ITPR1: variants seen among roughly 807,000 people sequenced by gnomAD.
ITPR1 encodes the protein inositol 1,4,5-trisphosphate-gated calcium channel ITPR1.
In ITPR1, 96 loss-of-function variants were observed where a neutral mutation model predicts 318.4. That is an observed-to-expected ratio of 0.30 (90% confidence interval 0.26 to 0.36). The LOEUF is 0.36. Among genes scored for constraint, ITPR1 ranks in the 10% least tolerant of loss-of-function variants. ITPR1 has a pLI of 1.00. For synonymous variants in ITPR1, 1,312 were observed against 1,289.9 expected (o/e 1.02, Z -0.37); for missense variants, 2,440 against 3,460.2 (o/e 0.71, Z 7.40).
At position 4,776,393 on chromosome 3, in the gene ITPR1, T is replaced by A. The variant is rs185175524; in HGVS notation, c.6181-871T>A. On this transcript the variant is annotated intron_variant, in intron 47 of 61. Coordinates refer to ENST00000649015, the MANE Select transcript of ITPR1 (RefSeq NM_001378452.1). ...CCAAGTATGTTTTTTAATACCAAATTATAGCTTCATCCTAACTGGAGAGAG... is the reference window on the plus strand; with the variant it reads ...CCAAGTATGTTTTTTAATACCAAATAATAGCTTCATCCTAACTGGAGAGAG... Among the ~76,000 whole-genome samples the A allele has an allele frequency of 3.9e-5, 6 of 152,236 alleles. No individual in the cohort carries two copies. In the East Asian group the frequency reaches 1.2e-3, roughly 29 times the overall value.
chr3:4,735,123 T>C lies in ITPR1; in HGVS notation c.5354-41T>C, dbSNP rs146157064. 1.1e-4 allele frequency: 165 copies of C among 1,519,458 alleles called. 1 individual carries two copies. The African/African-American group carries it at 1.7e-3, about 16-fold the overall frequency. 94.1% of individuals were successfully genotyped at this position (1,519,458 alleles called of 1,614,324 possible). On this transcript the variant is annotated intron_variant, in intron 43 of 61. Transcript: ENST00000649015. ...GTAAGTATGCAGCAAACATTAGCTG[T>C]TCTGATTGTGCTTAGTAAAAACAAT... is the stretch of plus-strand genomic sequence containing the variant.
At position 4,681,624 on chromosome 3, in the gene ITPR1, A is replaced by AAGTATGTGTGTGTGTGTGT. The variant is rs548578427; in HGVS notation, c.3161+206_3161+207insAGTATGTGTGTGTGTGTGT. On this transcript the variant is annotated intron_variant, in intron 26 of 61. Coordinates refer to ENST00000649015, the MANE Select transcript of ITPR1 (RefSeq NM_001378452.1). The stretch of plus-strand genomic sequence containing the variant: ...GAGAGTGAGAGAGAGAGAGAGAGAA[A>AAGTATGTGTGTGTGTGTGT]GTGTGTGTGTGTGTGTGTGTGTGTG... 6.2e-5 allele frequency among the ~76,000 whole-genome samples: 9 copies of AAGTATGTGTGTGTGTGTGT among 145,896 alleles called. No homozygotes were observed. In the East Asian group the frequency reaches 1.2e-3, roughly 20 times the overall value.
chr3:4,663,404 A>C (rs539949895), intron 16 of ITPR1, among the ~76,000 whole-genome samples, 198 bp downstream of exon 16: 1 of 152,188 alleles, frequency 6.6e-6, no homozygotes, highest in African/African-American at 2.4e-5. Flanking sequence ...CTGTCTCAAA[A>C]GAGAAAGAAA....
chr3:4,800,651 A>G lies in ITPR1; in HGVS notation c.7107+51A>G. The G allele has an allele frequency of 1.9e-6, 3 of 1,564,896 alleles. No homozygotes were observed. The Admixed American group carries it at 5.0e-5, about 26-fold the overall frequency. ...CTGTTTTGTTTGCAGATTAATAGGA[A>G]TGCCTTGCACTCTGGTTTCTAGAAT... On this transcript the variant is annotated intron_variant, in intron 54 of 61. Transcript: ENST00000649015.
rs6791460 is a variant in ITPR1, at chr3:4,705,910, G to A, written c.4658-257G>A. On this transcript the variant is annotated intron_variant, in intron 36 of 61. Coordinates refer to ENST00000649015, the MANE Select transcript of ITPR1 (RefSeq NM_001378452.1). ...AGGAAACCCATTGAACTTTAACTCT[G>A]ACATGCCCTGGCCTTATGACCTGAG... Among the ~76,000 whole-genome samples the A allele has an allele frequency of 0.036, 5,518 of 152,258 alleles. 364 individuals are homozygous for A. Among genetic ancestry groups the A allele is most frequent in the African/African-American group, 0.13 (5,265 of 41,516 alleles).
At chr3:4,587,378 A>G (rs2090016772) in intron 4 of ITPR1, among the ~76,000 whole-genome samples, 2 of 151,524 alleles carry the variant, frequency 1.3e-5, no homozygotes, top group Admixed American at 6.6e-5. Context: ...GGTTCAAGCA[A>G]TTCTGCCTCA....
rs2090086781 is a variant in ITPR1 at position 4,588,232 on chromosome 3, G to T, written c.164-39531G>T. ...AGTCTTCTCATATTCTTGCTGCAAA[G>T]GCTTGTTCCTTGTTCTCTTCCTGAC... On this transcript the variant is annotated intron_variant, in intron 4 of 61. Transcript: ENST00000649015. Among the ~76,000 whole-genome samples, 2 of 152,140 alleles carry T rather than the reference G, an allele frequency of 1.3e-5. 1 individual carries two copies. The highest frequency in any genetic ancestry group is 2.9e-5 in the Non-Finnish European group (2 of 68,010).
intron 19 of ITPR1, among the ~76,000 whole-genome samples, 165 bp from the exon 20 acceptor site, chr3:4,670,564 G>T (rs1200425365): frequency 6.6e-6 from 1 of 152,182 alleles, no homozygotes; most frequent in Non-Finnish European, 1.5e-5. Flanking sequence ...AGAACCACTG[G>T]GTTACAGTAT....
intron 4 of ITPR1, among the ~76,000 whole-genome samples, chr3:4,611,969 G>A (rs2092148182): frequency 6.6e-6 from 1 of 151,458 alleles, no homozygotes; most frequent in Admixed American, 6.6e-5. Flanking sequence ...ACCAACCTCA[G>A]GTCAAAAATA....
chr3:4,744,531 T>C lies in ITPR1; in HGVS notation c.5544+9177T>C, dbSNP rs541323205. 1.1e-4 allele frequency among the ~76,000 whole-genome samples: 16 copies of C among 152,350 alleles called. No homozygotes were observed. The South Asian group carries it at 3.3e-3, about 32-fold the overall frequency. Reference sequence around the variant, plus strand: ...ATTGGTGCATAGCTGCAGTTTTTCCTTTGGGATTGTCCTAACTGCTTTCCT... The same window carrying C: ...ATTGGTGCATAGCTGCAGTTTTTCCCTTGGGATTGTCCTAACTGCTTTCCT... On this transcript the variant is annotated intron_variant, in intron 44 of 61. Coordinates refer to ENST00000649015, the MANE Select transcript of ITPR1 (RefSeq NM_001378452.1).
chr3:4,768,998 C>G (rs1037468147), intron 46 of ITPR1, among the ~76,000 whole-genome samples: 2 of 151,902 alleles, frequency 1.3e-5, no homozygotes, highest in African/African-American at 4.8e-5. Context: ...CAACCTCCAG[C>G]TCTTGGGTTC....
chr3:4,807,096 AC>A (rs2048607350), intron 55 of ITPR1, among the ~76,000 whole-genome samples: 2 of 41,200 alleles, frequency 4.9e-5, no homozygotes, highest in African/African-American at 1.3e-4. Flanking sequence ...AGGGGGGCTT[AC>A]AAAGAGAGGG....
rs569013483 is a variant in ITPR1 at position 4,601,711 on chromosome 3, C to T, written c.164-26052C>T. Among the ~76,000 whole-genome samples the T allele has an allele frequency of 1.3e-3, 199 of 152,178 alleles. 1 individual carries two copies. The highest frequency in any genetic ancestry group is 1.8e-3 in the Non-Finnish European group (121 of 68,008). On this transcript the variant is annotated intron_variant, in intron 4 of 61. Coordinates refer to ENST00000649015, the MANE Select transcript of ITPR1 (RefSeq NM_001378452.1). Reference sequence around the variant, plus strand: ...AAAGAAAATTAGATAAATTGCACTTCGTCAAAATTAAAACCTTTCCTGCTT... The same window carrying T: ...AAAGAAAATTAGATAAATTGCACTTTGTCAAAATTAAAACCTTTCCTGCTT...
chr3:4,517,545 A>G (rs1237197464), intron 3 of ITPR1, among the ~76,000 whole-genome samples: 1 of 152,178 alleles, frequency 6.6e-6, no homozygotes, highest in Admixed American at 6.5e-5. Flanking sequence ...GTTACTCCAC[A>G]CTCAGGGAGC....
At chr3:4,700,070 T>C (rs1434278222) in intron 35 of ITPR1, 129 bp downstream of exon 35, 1 of 752,062 alleles carries the variant, frequency 1.3e-6, no homozygotes, top group Non-Finnish European at 2.1e-6. Flanking sequence ...TATATTTCTC[T>C]TGGTGGAAGA....
intron 44 of ITPR1, chr3:4,749,510 T>C (rs2044344817): frequency 2.0e-5 from 3 of 152,208 alleles, no homozygotes; most frequent in Admixed American, 2.0e-4. Context: ...GGCCTCCATA[T>C]ACACTGAGAT....
intron 44 of ITPR1, among the ~76,000 whole-genome samples, chr3:4,744,898 CTCCTTCCTTCCTTCCT>C (rs199767679): frequency 0.015 from 1,864 of 124,884 alleles, 60 homozygotes; most frequent in African/African-American, 0.053. Flanking sequence ...GTCTCCCTCC[CTCCTTCCTTCCTTCCT>C]TCCTTCCTTC....
At chr3:4,590,768 T>G (rs1337756626) in intron 4 of ITPR1, among the ~76,000 whole-genome samples, 1 of 152,004 alleles carries the variant, frequency 6.6e-6, no homozygotes, top group Non-Finnish European at 1.5e-5. Flanking sequence ...ATGGGAAGAT[T>G]TGTCACATAG....
At chr3:4,741,102 G>A (rs964333050) in intron 44 of ITPR1, among the ~76,000 whole-genome samples, 8 of 152,086 alleles carry the variant, frequency 5.3e-5, no homozygotes, top group Non-Finnish European at 7.3e-5. Flanking sequence ...TCCCACCAGC[G>A]CCTGGGGGAA....
Sources: allele counts gnomAD v4.1 joint callset (sites outside exome capture counted in the v4.1 genomes callset), GRCh38; gene constraint gnomAD v4.1.1; transcripts MANE v1.5; gene names NCBI Gene and HGNC (gene_info 2026-07-23, HGNC 2026-07-21).